Variants in HHAT observed in about 807,000 individuals in gnomAD.
HHAT encodes protein-cysteine N-palmitoyltransferase HHAT.
HHAT carries 47 observed loss-of-function variants against 70.8 expected under a neutral mutation model. That is an observed-to-expected ratio of 0.66 (90% CI 0.53 to 0.85). HHAT has a LOEUF of 0.85. Among genes scored for constraint, HHAT ranks in the 40% least tolerant of loss-of-function variants. HHAT has a pLI of 0.00. For missense variants in HHAT, 609 were observed against 604.8 expected (o/e 1.01, Z -0.07); for synonymous variants, 228 against 247.6 (o/e 0.92, Z 0.74).
At chr1:210,522,668 T>C (rs1449376423) in intron 9 of HHAT, among the ~76,000 whole-genome samples, 1 of 152,180 alleles carries the variant, frequency 6.6e-6, no homozygotes, top group Non-Finnish European at 1.5e-5. Context: ...GGGCTTCTTA[T>C]CTCACAGAGC....
At chr1:210,545,728 C>T (rs2095477652) in intron 9 of HHAT, among the ~76,000 whole-genome samples, 1 of 152,182 alleles carries the variant, frequency 6.6e-6, no homozygotes, top group Non-Finnish European at 1.5e-5. Flanking sequence ...TGAGCCACTG[C>T]ACCAGGCCTT....
chr1:210,581,082 T>C (rs1301489805), intron 9 of HHAT, among the ~76,000 whole-genome samples: 1 of 152,196 alleles, frequency 6.6e-6, no homozygotes, highest in Non-Finnish European at 1.5e-5. Flanking sequence ...CTGAGTGATG[T>C]TGAGCTTTCT....
chr1:210,521,145 T>G (rs1428904887), intron 9 of HHAT, among the ~76,000 whole-genome samples: 1 of 152,348 alleles, frequency 6.6e-6, no homozygotes, highest in South Asian at 2.1e-4. Flanking sequence ...ATAGCACATA[T>G]TCAGTTCATA....
chr1:210,667,028 C>T (rs1342563463), intron 11 of HHAT, among the ~76,000 whole-genome samples: 2 of 150,846 alleles, frequency 1.3e-5, no homozygotes, highest in Non-Finnish European at 2.9e-5. Flanking sequence ...TGCAGTGAGC[C>T]GAGATTGCAC....
At chr1:210,522,771 C>T (rs916153689) in intron 9 of HHAT, among the ~76,000 whole-genome samples, 5 of 151,914 alleles carry the variant, frequency 3.3e-5, no homozygotes, top group Non-Finnish European at 7.4e-5. Context: ...TGCCCCCCAC[C>T]CCCCAATCCC....
At chr1:210,621,312 G>T (rs564200164) in intron 10 of HHAT, among the ~76,000 whole-genome samples, 1 of 152,188 alleles carries the variant, frequency 6.6e-6, no homozygotes, top group Non-Finnish European at 1.5e-5. Flanking sequence ...TGTGAGGCTG[G>T]GGGAGACTGA....
intron 11 of HHAT, among the ~76,000 whole-genome samples, chr1:210,638,722 CAAAA>C (rs71146238): frequency 1.2e-4 from 11 of 95,264 alleles, no homozygotes; most frequent in Non-Finnish European, 1.4e-4. Flanking sequence ...CCTGTATTTA[CAAAA>C]AAAAAAAAAA....
intron 11 of HHAT, among the ~76,000 whole-genome samples, chr1:210,661,437 T>G (rs1022057880): frequency 2.0e-5 from 3 of 147,130 alleles, no homozygotes; most frequent in East Asian, 1.9e-4. Context: ...ACAGGAACAC[T>G]TTTACACTTT....
intron 3 of HHAT, among the ~76,000 whole-genome samples, chr1:210,366,190 G>A (rs930571275): frequency 6.6e-6 from 1 of 152,074 alleles, no homozygotes; most frequent in Admixed American, 6.5e-5. Flanking sequence ...GGGGTTACAG[G>A]TGTGAGCTAT....
intron 9 of HHAT, among the ~76,000 whole-genome samples, chr1:210,551,949 T>G (rs945886309): frequency 6.6e-5 from 10 of 152,214 alleles, no homozygotes; most frequent in African/African-American, 2.4e-4. Flanking sequence ...TAGAATCAGA[T>G]TGGAACATGA....
At chr1:210,346,044 A>G (rs1371225142) in intron 1 of HHAT, among the ~76,000 whole-genome samples, 2 of 150,638 alleles carry the variant, frequency 1.3e-5, no homozygotes, top group Non-Finnish European at 2.9e-5. Context: ...TGCTTGGGCA[A>G]CAGAGCAAGA....
chr1:210,664,577 C>T (rs959760728), intron 11 of HHAT, among the ~76,000 whole-genome samples: 5 of 152,190 alleles, frequency 3.3e-5, no homozygotes, highest in Admixed American at 2.0e-4. Context: ...AAGAAGCACT[C>T]ATCCTCCAGT....
rs541795412 is a variant in HHAT, at chr1:210,336,287, A to ATTTTTTTTTTTTTTTTT, written c.-44+7190_-44+7206dup. ...AGGCATGCACCACTGTGCCTGGCTA[A>ATTTTTTTTTTTTTTTTT]TTTTTTTTTTTTTTTTTTTTTTTAG... On this transcript the variant is annotated intron_variant, in intron 1 of 11. Transcript: ENST00000261458. Among the ~76,000 whole-genome samples the ATTTTTTTTTTTTTTTTT allele has an allele frequency of 1.6e-3, 135 of 84,594 alleles. 9 individuals carry two copies. Among genetic ancestry groups the ATTTTTTTTTTTTTTTTT allele is most frequent in the South Asian group, 4.0e-3 (9 of 2,274 alleles). The allele number at this position is 84,594 out of a possible 152,430, so 55.5% of individuals were successfully genotyped here.
intron 11 of HHAT, among the ~76,000 whole-genome samples, chr1:210,641,914 CA>C (rs1302941741): frequency 6.6e-6 from 1 of 152,222 alleles, no homozygotes; most frequent in Non-Finnish European, 1.5e-5. Context: ...AAGCAAACTT[CA>C]GGTCTTTTTC....
intron 5 of HHAT, among the ~76,000 whole-genome samples, chr1:210,403,350 C>T (rs962562426): frequency 6.6e-6 from 1 of 152,188 alleles, no homozygotes; most frequent in Non-Finnish European, 1.5e-5. Flanking sequence ...AGTGTACAAA[C>T]AGAATCTAAT....
chr1:210,339,062 A>G (rs574111250), intron 1 of HHAT, among the ~76,000 whole-genome samples: 2 of 152,192 alleles, frequency 1.3e-5, no homozygotes, highest in South Asian at 2.1e-4. Context: ...AACAACAACA[A>G]AAGCAAGAAC....
At chr1:210,655,247 C>T (rs910565319) in intron 11 of HHAT, among the ~76,000 whole-genome samples, 2 of 152,146 alleles carry the variant, frequency 1.3e-5, no homozygotes, top group African/African-American at 2.4e-5. Flanking sequence ...GCTGCCTGAA[C>T]AGAAAGCATG....
chr1:210,458,388 TAAAG>T (rs1223840576), intron 7 of HHAT, among the ~76,000 whole-genome samples: 3 of 152,172 alleles, frequency 2.0e-5, no homozygotes, highest in Non-Finnish European at 4.4e-5. Flanking sequence ...GAGATGAAAT[TAAAG>T]AAGAAAGCTG....
At chr1:210,375,692 G>A (rs942570717) in intron 3 of HHAT, among the ~76,000 whole-genome samples, 4 of 151,324 alleles carry the variant, frequency 2.6e-5, no homozygotes, top group African/African-American at 4.9e-5. Flanking sequence ...TTCTTTGAAC[G>A]TATTTTTAAC....
Sources: gnomAD v4.1 joint callset for allele counts (sites outside exome capture counted in the v4.1 genomes callset) on GRCh38, gnomAD v4.1.1 for gene constraint, MANE v1.5 for transcripts, NCBI Gene and HGNC (gene_info 2026-07-23, HGNC 2026-07-21) for gene names.